Variants in TSHZ1 observed in about 807,000 individuals in gnomAD.
The protein encoded by TSHZ1 is teashirt homolog 1.
TSHZ1 carries 12 observed loss-of-function variants against 67.1 expected under a neutral mutation model. That is an observed-to-expected ratio of 0.18 (90% CI 0.11 to 0.29). TSHZ1 has a LOEUF of 0.29. Ranked by LOEUF, TSHZ1 falls within the 10% of genes least tolerant of loss-of-function variation. TSHZ1 has a pLI of 1.00. For synonymous variants in TSHZ1, 632 were observed against 622.4 expected, an observed-to-expected ratio of 1.02 and a Z score of -0.23; for missense variants, 1,305 against 1,413.9, an observed-to-expected ratio of 0.92 and a Z score of 1.23.
chr18:75,236,221 GTGT>G (rs2023068949), intron 1 of TSHZ1, among the ~76,000 whole-genome samples: 2 of 152,190 alleles, frequency 1.3e-5, no homozygotes, highest in African/African-American at 4.8e-5. Flanking sequence ...GACCAGGGGT[GTGT>G]GTCTCAGCTG....
chr18:75,256,921 G>T (rs1365362258), intron 1 of TSHZ1, among the ~76,000 whole-genome samples: 1 of 152,128 alleles, frequency 6.6e-6, no homozygotes, highest in Non-Finnish European at 1.5e-5. Flanking sequence ...TTAAGTTTTG[G>T]TATTTCAGAT....
intron 1 of TSHZ1, among the ~76,000 whole-genome samples, chr18:75,228,596 A>C (rs1336054145): frequency 6.6e-6 from 1 of 152,212 alleles, no homozygotes; most frequent in Non-Finnish European, 1.5e-5. Context: ...TGTGTGCCTA[A>C]AGGTAGTAGC....
Position 75,211,768 on chromosome 18 carries a change from G to A in TSHZ1, c.-109G>A, listed in dbSNP as rs1425214426. 19 of 698,846 alleles carry A rather than the reference G, an allele frequency of 2.7e-5. No homozygotes were observed. Among genetic ancestry groups the A allele is most frequent in the Non-Finnish European group, 3.3e-5 (19 of 567,970 alleles). 43.3% of individuals were successfully genotyped at this position (698,846 alleles called of 1,614,324 possible). On this transcript the variant is annotated 5_prime_UTR_variant, in exon 1 of 2. Coordinates refer to ENST00000580243, the MANE Select transcript of TSHZ1 (RefSeq NM_001308210.2). ...CGGAGCCCGGAGCCCGCGGGGACGA[G>A]GCCAAAGTTGGGCGCGCCGCGGAGT...
chr18:75,285,188 A>G (rs571472217), intron 1 of TSHZ1: 5 of 297,384 alleles, frequency 1.7e-5, no homozygotes, highest in East Asian at 1.1e-4. Flanking sequence ...CCAGGCTGCA[A>G]GGGTCAAACT....
chr18:75,234,397 G>T lies in TSHZ1; in HGVS notation c.40+22481G>T, dbSNP rs372793338. ...AATTTTCAGCGATACTTTAGCTTTA[G>T]AAGTGTTCCTCGTAAAGTTTTTGCA... is the stretch of plus-strand genomic sequence containing the variant. On this transcript the variant is annotated intron_variant, in intron 1 of 1. Coordinates refer to ENST00000580243, the MANE Select transcript of TSHZ1 (RefSeq NM_001308210.2). 6.6e-5 allele frequency among the ~76,000 whole-genome samples: 10 copies of T among 152,176 alleles called. No individual in the cohort carries two copies. The South Asian group carries it at 1.9e-3, about 28-fold the overall frequency.
At chr18:75,250,055 G>C (rs1348704050) in intron 1 of TSHZ1, among the ~76,000 whole-genome samples, 1 of 150,824 alleles carries the variant, frequency 6.6e-6, no homozygotes, top group African/African-American at 2.4e-5. Context: ...TGCAGTAGGT[G>C]GGGGGTGGGG....
intron 1 of TSHZ1, among the ~76,000 whole-genome samples, chr18:75,246,744 G>T (rs1341783977): frequency 6.6e-6 from 1 of 152,018 alleles, no homozygotes; most frequent in Non-Finnish European, 1.5e-5. Flanking sequence ...AGAATAATTT[G>T]ATTTGCTGCT....
intron 1 of TSHZ1, among the ~76,000 whole-genome samples, chr18:75,278,892 T>C (rs1438401675): frequency 6.6e-6 from 1 of 152,040 alleles, no homozygotes; most frequent in African/African-American, 2.4e-5. Context: ...AGGCCGGCAG[T>C]CAGTCACAGG....
chr18:75,258,072 C>T (rs775942917), intron 1 of TSHZ1, among the ~76,000 whole-genome samples: 2 of 152,156 alleles, frequency 1.3e-5, no homozygotes, highest in Admixed American at 6.5e-5. Context: ...ACCCATCTGC[C>T]GGCTGCTGCT....
At chr18:75,272,274 C>T (rs1463346376) in intron 1 of TSHZ1, among the ~76,000 whole-genome samples, 2 of 152,202 alleles carry the variant, frequency 1.3e-5, no homozygotes, top group African/African-American at 4.8e-5. Context: ...ACGCGAGGCG[C>T]CTTGGTCTCC....
At chr18:75,259,721 G>A (rs1180908821) in intron 1 of TSHZ1, among the ~76,000 whole-genome samples, 1 of 152,074 alleles carries the variant, frequency 6.6e-6, no homozygotes, top group African/African-American at 2.4e-5. Flanking sequence ...GGGTATGTAC[G>A]TATAGAAGAA....
intron 1 of TSHZ1, among the ~76,000 whole-genome samples, chr18:75,237,505 G>A (rs1352304914): frequency 6.6e-6 from 1 of 152,124 alleles, no homozygotes; most frequent in East Asian, 1.9e-4. Context: ...CTGGGCAACC[G>A]AGAAAGGCCT....
intron 1 of TSHZ1, among the ~76,000 whole-genome samples, chr18:75,222,530 G>A (rs2022860942): frequency 6.6e-6 from 1 of 152,026 alleles, no homozygotes; most frequent in Non-Finnish European, 1.5e-5. Context: ...GGTGGAATGG[G>A]GTCGAGGGAT....
At chr18:75,236,014 A>G (rs1431652381) in intron 1 of TSHZ1, among the ~76,000 whole-genome samples, 1 of 152,184 alleles carries the variant, frequency 6.6e-6, no homozygotes, top group Non-Finnish European at 1.5e-5. Context: ...AGCTTGCATG[A>G]TAGGAAGCGT....
At position 75,288,942 on chromosome 18, in the gene TSHZ1, G is replaced by T. The variant is rs143844253; in HGVS notation, c.*301G>T. The T allele has an allele frequency of 7.7e-4, 196 of 253,056 alleles. No individual in the cohort carries two copies. The highest frequency in any genetic ancestry group is 4.2e-3 in the African/African-American group (187 of 44,364). 15.7% of individuals were successfully genotyped at this position (253,056 alleles called of 1,614,324 possible). A position where few individuals can be genotyped will look rare whatever the true frequency, so the allele number is the denominator to read the frequency against. ...GAGACATTATTTAGCAGTAAAGAAA[G>T]ACACAAATAACAATGATAAAAAGAC... is the stretch of plus-strand genomic sequence containing the variant. On this transcript the variant is annotated 3_prime_UTR_variant, in exon 2 of 2. Coordinates refer to ENST00000580243, the MANE Select transcript of TSHZ1 (RefSeq NM_001308210.2). This position sits in a 1 kb window ranked among gnomAD's most constrained non-coding sequence, Gnocchi z 4.9.
At chr18:75,266,114 G>A (rs997424166) in intron 1 of TSHZ1, among the ~76,000 whole-genome samples, 6 of 152,184 alleles carry the variant, frequency 3.9e-5, no homozygotes, top group East Asian at 3.9e-4. Context: ...ATGCTGTCCC[G>A]TTGGACAAGG....
At chr18:75,269,818 C>A (rs1307274065) in intron 1 of TSHZ1, among the ~76,000 whole-genome samples, 3 of 152,108 alleles carry the variant, frequency 2.0e-5, no homozygotes, top group African/African-American at 7.2e-5. Context: ...GTTCCCAGCC[C>A]CCCTGGCTCC....
rs1487190866 is a variant in TSHZ1 at position 75,211,477 on chromosome 18, CGCGCCGGGAGGA to C, written c.-394_-383del. The C allele has an allele frequency of 6.8e-6, 1 of 148,090 alleles. No individual in the cohort carries two copies. Among genetic ancestry groups the C allele is most frequent in the African/African-American group, 2.5e-5 (1 of 40,492 alleles). 9.2% of individuals were successfully genotyped at this position (148,090 alleles called of 1,614,324 possible). ...AGGCGCAGGGGAGCGCCCGGAGCGGCGCGCCGGGAGGAGCGCCCGCCCAGCAGCAGCGCGGCG... is the reference window on the plus strand; with the variant it reads ...AGGCGCAGGGGAGCGCCCGGAGCGGCGCGCCCGCCCAGCAGCAGCGCGGCG... On this transcript the variant is annotated 5_prime_UTR_variant, in exon 1 of 2. Transcript: ENST00000580243.
chr18:75,271,322 C>A (rs942003467), intron 1 of TSHZ1, among the ~76,000 whole-genome samples: 2 of 152,198 alleles, frequency 1.3e-5, no homozygotes, highest in African/African-American at 2.4e-5. Flanking sequence ...TCGGATAGAT[C>A]AAGGAGGAAT....
Sources: allele counts gnomAD v4.1 joint callset (sites outside exome capture counted in the v4.1 genomes callset), GRCh38; gene constraint gnomAD v4.1.1; non-coding constraint Gnocchi (gnomAD v3.1); transcripts MANE v1.5; gene names NCBI Gene and HGNC (gene_info 2026-07-23, HGNC 2026-07-21).